GAGE12J: variants seen among roughly 807,000 people sequenced by gnomAD.
GAGE12J encodes the protein G antigen 11.
GAGE12J carries 5 observed loss-of-function variants against 8.5 expected under a neutral mutation model. The observed-to-expected ratio is 0.59, with a 90% CI of 0.31 to 1.24. The LOEUF (loss-of-function observed/expected upper bound fraction) is 1.24, where lower values mean the gene tolerates loss of function less well. Among genes scored for constraint, GAGE12J ranks in the 50% most tolerant of loss-of-function variants. The pLI is 0.06. For missense variants in GAGE12J, 26 were observed against 63.0 expected (o/e 0.41, Z 1.99); for synonymous variants, 10 against 19.2 (o/e 0.52, Z 1.25).
chrX:49,322,195 A>G (rs2066421410), intron 1 of GAGE12J, 51 bp downstream of exon 1: 1 of 383,872 alleles, frequency 2.6e-6, no homozygotes, highest in Admixed American at 1.1e-4. Flanking sequence ...GTGAGGGTGG[A>G]GAGGGCCTTG....
chrX:49,328,207 C>G (rs1436696245), intron 4 of GAGE12J, among the ~76,000 whole-genome samples: 3 of 73,101 alleles, frequency 4.1e-5, no homozygotes, highest in African/African-American at 1.1e-4. Context: ...ACTGCACCCA[C>G]TATCTCATCA....
rs781905468 is a variant in GAGE12J, at chrX:49,323,211, A to G, written c.18A>G (p.Arg6=). 4.4e-6 allele frequency: 5 copies of G among 1,138,209 alleles called. No homozygotes were observed. The Admixed American group carries it at 1.1e-4, about 25-fold the overall frequency. 93.8% of individuals were successfully genotyped at this position (1,138,209 alleles called of 1,213,427 possible). The change falls in exon 2 of 5, where the codon AGA becomes AGG. Residue 6 remains arginine, a synonymous_variant. Coordinates refer to ENST00000442437, the MANE Select transcript of GAGE12J (RefSeq NM_001098406.4). Reference sequence around the variant, plus strand: ...TGTGAAATATGAGTTGGCGAGGAAGATCGACCTATTATTGGCCTAGACCAA... The same window carrying G: ...TGTGAAATATGAGTTGGCGAGGAAGGTCGACCTATTATTGGCCTAGACCAA... The part of the protein sequence containing the change: MSWRG[R]STYYWPRPRP...
chrX:49,325,508 T>A (rs1260091688), intron 3 of GAGE12J, among the ~76,000 whole-genome samples: 2 of 92,390 alleles, frequency 2.2e-5, no homozygotes, highest in Non-Finnish European at 4.9e-5. Flanking sequence ...ATACTGTTCA[T>A]CTGGATTCAC....
Position 49,323,240 on chromosome X carries a change from C to G in GAGE12J, c.47C>G (p.Pro16Arg), listed in dbSNP as rs6520418. 0.51 allele frequency: 552,864 copies of G among 1,077,550 alleles called. 121,574 individuals carry two copies. The highest frequency in any genetic ancestry group is 0.57 in the South Asian group (30,805 of 54,304). The allele number at this position is 1,077,550 out of a possible 1,213,427, so 88.8% of individuals were successfully genotyped here. The change falls in exon 2 of 5, where the codon CCC (proline) becomes CGC (arginine). Residue 16 changes from proline to arginine, a missense_variant. Physicochemically the swap from Pro to Arg is moderately radical, Grantham distance 103. Transcript: ENST00000442437. Reference sequence around the variant, plus strand: ...ACCTATTATTGGCCTAGACCAAGACCCTATGTACAGCCTCCTGAAATGATT... The same window carrying G: ...ACCTATTATTGGCCTAGACCAAGACGCTATGTACAGCCTCCTGAAATGATT... ...RSTYYWPRPRPYVQPPEMIGP... is the reference protein window; with the variant it reads ...RSTYYWPRPRRYVQPPEMIGP...
intron 1 of GAGE12J, among the ~76,000 whole-genome samples, chrX:49,322,423 C>T (rs1460463400): frequency 2.8e-5 from 3 of 108,892 alleles, no homozygotes; most frequent in African/African-American, 6.5e-5. Flanking sequence ...CCCGAGGTGC[C>T]GGGAACCCCC....
intron 1 of GAGE12J, 81 bp from the exon 2 acceptor site, chrX:49,323,105 A>G: frequency 2.1e-6 from 2 of 974,616 alleles, no homozygotes; most frequent in Non-Finnish European, 2.9e-6. Flanking sequence ...TAAAACGGCA[A>G]GTTTACATTT....
chrX:49,323,223 T>C lies in GAGE12J; in HGVS notation c.30T>C (p.Tyr10=), dbSNP rs373355647. 5.7e-5 allele frequency: 65 copies of C among 1,139,954 alleles called. 1 individual carries two copies. The highest frequency in any genetic ancestry group is 7.5e-5 in the Non-Finnish European group (63 of 839,199). 93.9% of individuals were successfully genotyped at this position (1,139,954 alleles called of 1,213,427 possible). MSWRGRSTY[Y]WPRPRPYVQP... is the part of the protein sequence containing the mutation. Reference sequence around the variant, plus strand: ...GTTGGCGAGGAAGATCGACCTATTATTGGCCTAGACCAAGACCCTATGTAC... The same window carrying C: ...GTTGGCGAGGAAGATCGACCTATTACTGGCCTAGACCAAGACCCTATGTAC... Residue 10 remains tyrosine (Y), a synonymous_variant, in exon 2 of 5, where the codon TAT becomes TAC. Coordinates refer to ENST00000442437, the MANE Select transcript of GAGE12J (RefSeq NM_001098406.4).
chrX:49,323,183 C>T lies in GAGE12J; in HGVS notation c.-8-3C>T, dbSNP rs1306635289. 3.6e-6 allele frequency: 4 copies of T among 1,121,996 alleles called. No homozygotes were observed. In the African/African-American group the frequency reaches 7.2e-5, roughly 20 times the overall value. 92.5% of individuals were successfully genotyped at this position (1,121,996 alleles called of 1,213,427 possible). A position where few individuals can be genotyped will look rare whatever the true frequency, so the allele number is the denominator to read the frequency against. On this transcript the variant is annotated splice_polypyrimidine_tract_variant and splice_region_variant and intron_variant, in intron 1 of 4. Transcript: ENST00000442437. ...GTTCCCAATCACGGTTGTCTGTTTT[C>T]AGTGTGAAATATGAGTTGGCGAGGA...
intron 1 of GAGE12J, among the ~76,000 whole-genome samples, chrX:49,322,447 A>T (rs2066423271): frequency 9.2e-6 from 1 of 108,552 alleles, no homozygotes; most frequent in Non-Finnish European, 2.0e-5. Context: ...GACACAGGGC[A>T]GATTCCCTGA....
chrX:49,325,536 C>T (rs1276140084), intron 3 of GAGE12J, among the ~76,000 whole-genome samples: 21 of 83,576 alleles, frequency 2.5e-4, no homozygotes, highest in Non-Finnish European at 4.3e-4. Context: ...TAATAGCTTT[C>T]GCTTCATCAG....
chrX:49,323,121 T>C, intron 1 of GAGE12J, 65 bp from the exon 2 acceptor site: 1 of 1,013,724 alleles, frequency 9.9e-7, no homozygotes, highest in Non-Finnish European at 1.4e-6. Flanking sequence ...CATTTATCCA[T>C]GGAAGTGATC....
rs782426188 is a variant in GAGE12J at position 49,323,269 on chromosome X, C to T, written c.76C>T (p.Pro26Ser). Residue 26 changes from proline to serine, a missense_variant, in exon 2 of 5, where the codon CCT becomes TCT. This residue lies in a region of GAGE12J where 26 missense variants were observed against 21.9 expected (regional missense o/e 1.19). Coordinates refer to ENST00000442437, the MANE Select transcript of GAGE12J (RefSeq NM_001098406.4). ...PYVQPPEMIG[P>S]MRPEQFSDEV... ...TGTACAGCCTCCTGAAATGATTGGG[C>T]CTATGCGGGTGAGTGCTTGAACGTT... The T allele has an allele frequency of 6.6e-5, 76 of 1,144,884 alleles. 1 individual carries two copies. The East Asian group carries it at 2.1e-3, about 32-fold the overall frequency. The allele number at this position is 1,144,884 out of a possible 1,213,427, so 94.4% of individuals were successfully genotyped here.
Position 49,323,350 on chromosome X carries a change from G to A in GAGE12J, c.84+73G>A, listed in dbSNP as rs1340635789. On this transcript the variant is annotated intron_variant, in intron 2 of 4. Transcript: ENST00000442437. ...TTTTTGTGATAGCGTTGTTGCATTA[G>A]TGTGGAAATGCTGATAAAGGTCTTT... 50 of 746,660 alleles carry A rather than the reference G, an allele frequency of 6.7e-5. 3 individuals are homozygous for A. The highest frequency in any genetic ancestry group is 9.0e-5 in the Non-Finnish European group (46 of 508,499). 61.5% of individuals were successfully genotyped at this position (746,660 alleles called of 1,213,427 possible).
Position 49,328,218 on chromosome X carries a change from T to C in GAGE12J, c.332-1053T>C, listed in dbSNP as rs1158288538. Among the ~76,000 whole-genome samples, 2 of 72,068 alleles carry C rather than the reference T, an allele frequency of 2.8e-5. 1 individual carries two copies. The highest frequency in any genetic ancestry group is 7.0e-5 in the Non-Finnish European group (2 of 28,477). The allele number at this position is 72,068 out of a possible 115,157, so 62.6% of individuals were successfully genotyped here. ...TTGCACTGCACCCACTATCTCATCA[T>C]CTAGCATTAGGTACATCTCCCAGTG... On this transcript the variant is annotated intron_variant, in intron 4 of 4. Coordinates refer to ENST00000442437, the MANE Select transcript of GAGE12J (RefSeq NM_001098406.4).
chrX:49,322,310 G>A (rs1221395923), intron 1 of GAGE12J, among the ~76,000 whole-genome samples, 166 bp downstream of exon 1: 96 of 103,386 alleles, frequency 9.3e-4, no homozygotes, highest in Admixed American at 9.1e-3. Flanking sequence ...CGGCGGCTTC[G>A]TGGTCGTGAA....
rs12399216 is a variant in GAGE12J at position 49,325,656 on chromosome X, T to G, written c.206-1034T>G. On this transcript the variant is annotated intron_variant, in intron 3 of 4. Coordinates refer to ENST00000442437, the MANE Select transcript of GAGE12J (RefSeq NM_001098406.4). ...TGAATTGTCTCGATAAAGTTTCAGGTATTATGGTCCTTTACCCTATGTACT... is the reference window on the plus strand; with the variant it reads ...TGAATTGTCTCGATAAAGTTTCAGGGATTATGGTCCTTTACCCTATGTACT... Among the ~76,000 whole-genome samples the G allele has an allele frequency of 3.8e-3, 303 of 78,986 alleles. 3 individuals are homozygous for G. The highest frequency in any genetic ancestry group is 9.0e-3 in the African/African-American group (259 of 28,642). The allele number at this position is 78,986 out of a possible 115,157, so 68.6% of individuals were successfully genotyped here. A position where few individuals can be genotyped will look rare whatever the true frequency, so the allele number is the denominator to read the frequency against.
chrX:49,322,409 A>G (rs1466336560), intron 1 of GAGE12J, among the ~76,000 whole-genome samples: 5 of 108,732 alleles, frequency 4.6e-5, no homozygotes, highest in Admixed American at 9.6e-5. Flanking sequence ...GGGGGGATGG[A>G]AGTCCCGAGG....
chrX:49,322,405 A>G (rs1242063400), intron 1 of GAGE12J, among the ~76,000 whole-genome samples: 1 of 107,834 alleles, frequency 9.3e-6, no homozygotes, highest in East Asian at 2.9e-4. Flanking sequence ...TGTTGGGGGG[A>G]TGGAAGTCCC....
chrX:49,323,219 A>G lies in GAGE12J; in HGVS notation c.26A>G (p.Tyr9Cys), dbSNP rs7064096. 477,928 of 1,029,384 alleles carry G rather than the reference A, an allele frequency of 0.46. 99,939 individuals are homozygous for G. Among genetic ancestry groups the G allele is most frequent in the Non-Finnish European group, 0.51 (381,357 of 753,443 alleles). The allele number at this position is 1,029,384 out of a possible 1,213,427, so 84.8% of individuals were successfully genotyped here. A position where few individuals can be genotyped will look rare whatever the true frequency, so the allele number is the denominator to read the frequency against. The change falls in exon 2 of 5, where the codon TAT becomes TGT. Residue 9 changes from tyrosine to cysteine, a missense_variant. Physicochemically the swap from Tyr to Cys is radical, Grantham distance 194. Coordinates refer to ENST00000442437, the MANE Select transcript of GAGE12J (RefSeq NM_001098406.4). The stretch of plus-strand genomic sequence containing the variant: ...ATGAGTTGGCGAGGAAGATCGACCT[A>G]TTATTGGCCTAGACCAAGACCCTAT... MSWRGRSTYYWPRPRPYVQ... is the reference protein window; with the variant it reads MSWRGRSTCYWPRPRPYVQ...
Sources: gnomAD v4.1 joint callset for allele counts (sites outside exome capture counted in the v4.1 genomes callset) on GRCh38, gnomAD v4.1.1 for gene constraint, gnomAD v4.1.1 regional missense constraint, MANE v1.5 for transcripts, NCBI Gene and HGNC (gene_info 2026-07-23, HGNC 2026-07-21) for gene names.